ARHGEF3: variants seen among roughly 807,000 people sequenced by gnomAD.
ARHGEF3 encodes Rho guanine nucleotide exchange factor 3.
In ARHGEF3, 28 loss-of-function variants were observed where a neutral mutation model predicts 63.2. The ratio of observed to expected loss-of-function variants is 0.44; its 90% confidence interval spans 0.33 to 0.61. ARHGEF3 has a LOEUF of 0.61. Ranked by LOEUF, ARHGEF3 falls within the 20% of genes least tolerant of loss-of-function variation. The pLI is 0.03. For synonymous variants in ARHGEF3, 266 were observed against 254.2 expected (o/e 1.05, Z -0.44); for missense variants, 533 against 659.3 (o/e 0.81, Z 2.10).
At chr3:56,960,949 T>C (rs749305398) in intron 2 of ARHGEF3, 1 of 152,236 alleles carries the variant, frequency 6.6e-6, no homozygotes, top group Non-Finnish European at 1.5e-5. Context: ...ATGGAATTCA[T>C]TGCTTCTAAA....
At chr3:56,795,655 C>CTCTTTTTTTTTTTTT (rs57400467) in intron 1 of ARHGEF3, among the ~76,000 whole-genome samples, 87 of 130,560 alleles carry the variant, frequency 6.7e-4, no homozygotes, top group East Asian at 4.0e-3. Flanking sequence ...GTCTCTCTCT[C>CTCTTTTTTTTTTTTT]TTTTTTTTTT....
chr3:57,047,473 C>A (rs2107288645), intron 1 of ARHGEF3, among the ~76,000 whole-genome samples: 1 of 152,272 alleles, frequency 6.6e-6, no homozygotes, highest in South Asian at 2.1e-4. Context: ...GCTATAAGAT[C>A]TTGGAAAGGA....
At chr3:56,945,213 C>G (rs1699420263) in intron 3 of ARHGEF3, among the ~76,000 whole-genome samples, 1 of 152,128 alleles carries the variant, frequency 6.6e-6, no homozygotes, top group South Asian at 2.1e-4. Context: ...CGGGTGATTT[C>G]TGCGTTTCCA....
intron 2 of ARHGEF3, among the ~76,000 whole-genome samples, chr3:57,007,587 C>T (rs1305479400): frequency 3.9e-5 from 6 of 152,128 alleles, no homozygotes; most frequent in East Asian, 3.9e-4. Flanking sequence ...TGCAGTGTTG[C>T]GCCCGCCCCT....
chr3:57,046,650 T>G (rs79702291), intron 1 of ARHGEF3, among the ~76,000 whole-genome samples: 2,587 of 152,210 alleles, frequency 0.017, 38 homozygotes, highest in Middle Eastern at 0.058. Flanking sequence ...TCTCCTACAG[T>G]GCTAGAGCAG....
At chr3:57,008,050 C>T (rs904125996) in intron 2 of ARHGEF3, among the ~76,000 whole-genome samples, 8 of 152,168 alleles carry the variant, frequency 5.3e-5, no homozygotes, top group African/African-American at 1.9e-4. Context: ...CCTAACACCA[C>T]GAGAATTTTT....
chr3:56,971,785 T>C (rs529364174), intron 2 of ARHGEF3, among the ~76,000 whole-genome samples: 213 of 151,534 alleles, frequency 1.4e-3, no homozygotes, highest in African/African-American at 4.6e-3. Flanking sequence ...ACCCAGGAGG[T>C]GGAGCTTGCA....
intron 4 of ARHGEF3, among the ~76,000 whole-genome samples, chr3:56,813,480 T>A (rs1284995110): frequency 2.6e-5 from 4 of 152,206 alleles, no homozygotes; most frequent in Admixed American, 1.3e-4. Flanking sequence ...AGGGATCCAG[T>A]TCTGTCTCAC....
chr3:56,899,011 A>G (rs2041413204), intron 3 of ARHGEF3, among the ~76,000 whole-genome samples: 1 of 152,162 alleles, frequency 6.6e-6, no homozygotes, highest in African/African-American at 2.4e-5. Flanking sequence ...CCGAGATTGC[A>G]CCACTGTACT....
In ARHGEF3 at chr3:56,737,233, G is replaced by C. The variant is rs756498255; in HGVS notation, c.993C>G (p.Ser331Arg). 1.2e-6 allele frequency: 2 copies of C among 1,614,130 alleles called. No homozygotes were observed. Among genetic ancestry groups the C allele is most frequent in the Non-Finnish European group, 8.5e-7 (1 of 1,180,006 alleles). The change falls in exon 8 of 10, where the codon AGC (serine) becomes AGG (arginine). Residue 331 changes from serine (S) to arginine (R), a missense_variant. Physicochemically the swap from Ser to Arg is moderately radical, Grantham distance 110 (BLOSUM62 -1). Transcript: ENST00000296315. ...CACCATGACAACACAAGACTCGAGA[G>C]CTGTCGATCAGGGAGTCTTTCTGGC... ...EEGQKDSLIDSSRVLCCHGEL... is the reference protein window; with the variant it reads ...EEGQKDSLIDRSRVLCCHGEL...
At chr3:56,918,976 T>G (rs557692447) in intron 3 of ARHGEF3, among the ~76,000 whole-genome samples, 1 of 152,220 alleles carries the variant, frequency 6.6e-6, no homozygotes, top group Non-Finnish European at 1.5e-5. Context: ...TCCCATTTGC[T>G]GGATGCACTG....
At chr3:56,842,831 T>C (rs1006371979) in intron 4 of ARHGEF3, among the ~76,000 whole-genome samples, 2 of 152,162 alleles carry the variant, frequency 1.3e-5, no homozygotes, top group African/African-American at 2.4e-5. Context: ...CACAGAAATC[T>C]CTGGAGGAAA....
At chr3:56,857,969 T>A (rs565885722) in intron 4 of ARHGEF3, among the ~76,000 whole-genome samples, 1 of 152,104 alleles carries the variant, frequency 6.6e-6, no homozygotes, top group African/African-American at 2.4e-5. Context: ...AGTTTCTTGG[T>A]TTAGCAGCTC....
chr3:56,902,111 T>C (rs1052219528), intron 3 of ARHGEF3, among the ~76,000 whole-genome samples: 2 of 152,150 alleles, frequency 1.3e-5, no homozygotes, highest in Non-Finnish European at 2.9e-5. Context: ...AGGATACTTG[T>C]TTACAGTATG....
intron 2 of ARHGEF3, among the ~76,000 whole-genome samples, chr3:57,014,174 G>T (rs571967910): frequency 6.6e-6 from 1 of 152,160 alleles, no homozygotes; most frequent in Non-Finnish European, 1.5e-5. Flanking sequence ...CTTGAAGCCA[G>T]CAAGACCACG....
At chr3:56,910,261 G>A (rs1396189169) in intron 3 of ARHGEF3, among the ~76,000 whole-genome samples, 12 of 152,178 alleles carry the variant, frequency 7.9e-5, no homozygotes, top group East Asian at 3.9e-4. Context: ...GGCTGGTAAT[G>A]TTCCATTCAA....
chr3:56,791,387 G>A (rs141891658), intron 1 of ARHGEF3, among the ~76,000 whole-genome samples: 5 of 152,112 alleles, frequency 3.3e-5, no homozygotes, highest in African/African-American at 1.2e-4. Flanking sequence ...AGGCTGCAGT[G>A]AGCCATGATT....
At chr3:56,835,764 A>G (rs747885525) in intron 4 of ARHGEF3, among the ~76,000 whole-genome samples, 2 of 152,148 alleles carry the variant, frequency 1.3e-5, no homozygotes, top group Admixed American at 6.5e-5. Context: ...ATAAAGTCCA[A>G]CACACCCCAG....
Position 56,755,102 on chromosome 3 carries a change from C to T in ARHGEF3, c.254G>A (p.Arg85Gln), listed in dbSNP as rs771947435. 2.5e-5 allele frequency: 41 copies of T among 1,613,842 alleles called. No homozygotes were observed. The highest frequency in any genetic ancestry group is 3.2e-5 in the Non-Finnish European group (38 of 1,179,994). ...SESRPDILAP[R>Q]PWSRNAAPSS... ...GGGGGCGGCATTTCTGGACCAGGGT[C>T]GGGGGGCGAGGATGTCAGGGCGGCT... is the stretch of plus-strand genomic sequence containing the variant. Residue 85 changes from arginine (R) to glutamine (Q), a missense_variant, in exon 3 of 10, where the codon CGA (arginine) becomes CAA (glutamine). This residue lies in a region of ARHGEF3 where 160 missense variants were observed against 157.3 expected (regional missense o/e 1.02). Coordinates refer to ENST00000296315, the MANE Select transcript of ARHGEF3 (RefSeq NM_019555.3).
Sources: gnomAD v4.1 joint callset for allele counts (sites outside exome capture counted in the v4.1 genomes callset) on GRCh38, gnomAD v4.1.1 for gene constraint, gnomAD v4.1.1 regional missense constraint, MANE v1.5 for transcripts, NCBI Gene and HGNC (gene_info 2026-07-23, HGNC 2026-07-21) for gene names.